Variants in PHACTR2 observed in about 807,000 individuals in gnomAD.
PHACTR2 encodes the protein chromosome 6 open reading frame 56.
PHACTR2 carries 30 observed loss-of-function variants against 76.0 expected under a neutral mutation model. The ratio of observed to expected loss-of-function variants is 0.39; its 90% CI spans 0.30 to 0.54. PHACTR2 has a LOEUF of 0.54. PHACTR2 is among the 20% of genes least tolerant of loss of function. The pLI is 0.61. For missense variants in PHACTR2, 696 were observed against 781.1 expected, an observed-to-expected ratio of 0.89 and a Z score of 1.30; for synonymous variants, 292 against 292.5, an observed-to-expected ratio of 1.00 and a Z score of 0.02.
Position 143,562,777 on chromosome 6 carries a change from A to G in PHACTR2, c.217+25570A>G, listed in dbSNP as rs1775300136. ...AAGGTAATGAGTAGTTGAATTAACAAAATATGGTATTTATGTACATGAGTA... is the reference window on the plus strand; with the variant it reads ...AAGGTAATGAGTAGTTGAATTAACAGAATATGGTATTTATGTACATGAGTA... On this transcript the variant is annotated intron_variant, in intron 1 of 11. Coordinates refer to the PHACTR2 transcript ENST00000367584. The surrounding 1 kb of genome is among the most constrained non-coding windows in gnomAD (Gnocchi z 5.1). Among the ~76,000 whole-genome samples the G allele has an allele frequency of 6.6e-6, 1 of 152,254 alleles. No homozygotes were observed. The highest frequency in any genetic ancestry group is 1.5e-5 in the Non-Finnish European group (1 of 68,036).
intron 1 of PHACTR2, among the ~76,000 whole-genome samples, chr6:143,563,399 C>CTAAAAATAT (rs71270336): frequency 6.6e-6 from 1 of 151,454 alleles, no homozygotes. Flanking sequence ...CGCATCTCTA[C>CTAAAAATAT]GAAAAATTAA....
intron 2 of PHACTR2, among the ~76,000 whole-genome samples, chr6:143,716,278 G>A (rs1158896914): frequency 1.3e-5 from 2 of 152,154 alleles, no homozygotes; most frequent in African/African-American, 4.8e-5. Context: ...TCAGTAACCA[G>A]GGTATTCTTT....
At chr6:143,588,526 G>A (rs1484845011) in intron 1 of PHACTR2, among the ~76,000 whole-genome samples, 1 of 152,136 alleles carries the variant, frequency 6.6e-6, no homozygotes, top group Non-Finnish European at 1.5e-5. Flanking sequence ...AGCAGAGTTT[G>A]AAAACCAGAT....
rs959826975 is a variant in PHACTR2 at position 143,795,257 on chromosome 6, T to C, written c.1845+6347T>C. Among the ~76,000 whole-genome samples the C allele has an allele frequency of 8.6e-5, 13 of 151,834 alleles. No homozygotes were observed. The highest frequency in any genetic ancestry group is 3.1e-4 in the African/African-American group (13 of 41,324). On this transcript the variant is annotated intron_variant, in intron 11 of 12. Coordinates refer to ENST00000440869, the MANE Select transcript of PHACTR2 (RefSeq NM_001100164.2). The surrounding 1 kb of genome is among the most constrained non-coding windows in gnomAD (Gnocchi z 4.8). The stretch of plus-strand genomic sequence containing the variant: ...AGCAAGACCCTCTCTCTACAAAAAC[T>C]AAAAAAATTAGCCAGGTGTGGTGGC...
rs1775449551 is a variant in PHACTR2 at position 143,782,259 on chromosome 6, A to C, written c.1646-960A>C. Among the ~76,000 whole-genome samples, 1 of 152,152 alleles carries C rather than the reference A, an allele frequency of 6.6e-6. No individual in the cohort carries two copies. Among genetic ancestry groups the C allele is most frequent in the Non-Finnish European group, 1.5e-5 (1 of 68,028 alleles). ...AAATAAAAATAAAAATAAATAAACA[A>C]ATAGAAGAAGTTTTCCTTTTTCAAC... On this transcript the variant is annotated intron_variant, in intron 9 of 12. Transcript: ENST00000440869. This position sits in a 1 kb window ranked among gnomAD's most constrained non-coding sequence, Gnocchi z 4.6.
rs1458843698 is a variant in PHACTR2 at position 143,570,378 on chromosome 6, C to T, written c.217+33171C>T. Among the ~76,000 whole-genome samples the T allele has an allele frequency of 1.3e-5, 2 of 152,174 alleles. No homozygotes were observed. Among genetic ancestry groups the T allele is most frequent in the African/African-American group, 2.4e-5 (1 of 41,430 alleles). ...GTCATCTTATGCAGGGTTTGTACTT[C>T]GGCTTCTCTCACTGTGCTGGAGATT... On this transcript the variant is annotated intron_variant, in intron 1 of 11. Transcript: ENST00000367584. The surrounding 1 kb of genome is among the most constrained non-coding windows in gnomAD (Gnocchi z 4.6).
At chr6:143,634,070 G>A (rs1334434252) in intron 1 of PHACTR2, among the ~76,000 whole-genome samples, 1 of 152,130 alleles carries the variant, frequency 6.6e-6, no homozygotes. Context: ...TCTTCCAACA[G>A]GGAAGTAAAA....
intron 2 of PHACTR2, among the ~76,000 whole-genome samples, chr6:143,734,309 C>G (rs1036593335): frequency 2.0e-5 from 3 of 149,910 alleles, no homozygotes; most frequent in Non-Finnish European, 4.4e-5. Flanking sequence ...TCGATAAAAC[C>G]ATGAAATCTT....
At position 143,777,441 on chromosome 6, in the gene PHACTR2, C is replaced by T. The variant is rs369786870; in HGVS notation, c.1645+58C>T. On this transcript the variant is annotated intron_variant, in intron 9 of 12. Coordinates refer to ENST00000440869, the MANE Select transcript of PHACTR2 (RefSeq NM_001100164.2). The surrounding 1 kb of genome is among the most constrained non-coding windows in gnomAD (Gnocchi z 4.6). Reference sequence around the variant, plus strand: ...TGTAATCGCTAACAAGCTGCCTCTACAGATGATCGATTTATCAGTAAGAAA... The same window carrying T: ...TGTAATCGCTAACAAGCTGCCTCTATAGATGATCGATTTATCAGTAAGAAA... 3.5e-6 allele frequency: 3 copies of T among 850,640 alleles called. No individual in the cohort carries two copies. Among genetic ancestry groups the T allele is most frequent in the African/African-American group, 3.5e-5 (2 of 57,416 alleles). The allele number at this position is 850,640 out of a possible 1,614,324, so 52.7% of individuals were successfully genotyped here.
Position 143,761,613 on chromosome 6 carries a change from G to A in PHACTR2, c.694+973G>A, listed in dbSNP as rs537129237. Among the ~76,000 whole-genome samples the A allele has an allele frequency of 4.9e-4, 75 of 152,084 alleles. No individual in the cohort carries two copies. Among genetic ancestry groups the A allele is most frequent in the Non-Finnish European group, 9.1e-4 (62 of 68,026 alleles). Reference sequence around the variant, plus strand: ...TGCTAAAAATACAAGAATTAGCCAGGCGTCGTGGCGTGCACCTCTAATCCC... The same window carrying A: ...TGCTAAAAATACAAGAATTAGCCAGACGTCGTGGCGTGCACCTCTAATCCC... On this transcript the variant is annotated intron_variant, in intron 5 of 12. Transcript: ENST00000440869. The surrounding 1 kb of genome is among the most constrained non-coding windows in gnomAD (Gnocchi z 5.2).
At position 143,556,724 on chromosome 6, in the gene PHACTR2, T is replaced by A. The variant is rs2128428338; in HGVS notation, c.217+19517T>A. ...TGCTAACTAGAGGAGAAGGAAGACG[T>A]ACATCACCACAGGACCACAGCGACG... On this transcript the variant is annotated intron_variant, in intron 1 of 11. Coordinates refer to the PHACTR2 transcript ENST00000367584. The surrounding 1 kb of genome is among the most constrained non-coding windows in gnomAD (Gnocchi z 4.3). 6.6e-6 allele frequency among the ~76,000 whole-genome samples: 1 copy of A among 152,334 alleles called. No homozygotes were observed. Among genetic ancestry groups the A allele is most frequent in the Non-Finnish European group, 1.5e-5 (1 of 68,036 alleles).
rs1174920390 is a variant in PHACTR2 at position 143,602,446 on chromosome 6, C to A, written c.217+65239C>A. 1.3e-5 allele frequency among the ~76,000 whole-genome samples: 2 copies of A among 152,168 alleles called. No individual in the cohort carries two copies. On this transcript the variant is annotated intron_variant, in intron 1 of 11. Coordinates refer to the PHACTR2 transcript ENST00000367584. This position sits in a 1 kb window ranked among gnomAD's most constrained non-coding sequence, Gnocchi z 6.1. ...GCCAGGACTCTCCATTCAAGCAGAG[C>A]CTGGCTCTGATTGCTCCTTTCTCAT...
In PHACTR2 at chr6:143,774,219, A is replaced by G; in HGVS notation, c.1589+4A>G. 1.2e-6 allele frequency: 2 copies of G among 1,612,340 alleles called. No homozygotes were observed. The highest frequency in any genetic ancestry group is 1.7e-6 in the Non-Finnish European group (2 of 1,178,426). On this transcript the variant is annotated splice_donor_region_variant and intron_variant, in intron 8 of 12. Transcript: ENST00000440869. This position sits in a 1 kb window ranked among gnomAD's most constrained non-coding sequence, Gnocchi z 5.4. ...AAATTGGAACCAAGTTAGTCAGGTAATTGCTAACATTTTAGGACAGTACTG... is the reference window on the plus strand; with the variant it reads ...AAATTGGAACCAAGTTAGTCAGGTAGTTGCTAACATTTTAGGACAGTACTG...
chr6:143,593,979 T>A (rs1469482187), intron 1 of PHACTR2, among the ~76,000 whole-genome samples: 3 of 152,226 alleles, frequency 2.0e-5, no homozygotes, highest in Non-Finnish European at 4.4e-5. Context: ...TAAAAGAATA[T>A]TCCAGTTGTC....
chr6:143,576,609 G>A (rs900272145), intron 1 of PHACTR2, among the ~76,000 whole-genome samples: 1 of 152,118 alleles, frequency 6.6e-6, no homozygotes, highest in Non-Finnish European at 1.5e-5. Flanking sequence ...GGGAGCGGTG[G>A]CTCAGGCCTG....
intron 2 of PHACTR2, among the ~76,000 whole-genome samples, chr6:143,744,410 A>T (rs548170661): frequency 6.6e-6 from 1 of 152,356 alleles, no homozygotes; most frequent in South Asian, 2.1e-4. Flanking sequence ...CAGTAAGCAA[A>T]ACAGAATTTT....
rs1775317013 is a variant in PHACTR2, at chr6:143,563,694, CATTAAAATAT to C, written c.217+26491_217+26500del. Among the ~76,000 whole-genome samples the C allele has an allele frequency of 4.6e-5, 7 of 152,034 alleles. No homozygotes were observed. The South Asian group carries it at 1.5e-3, about 32-fold the overall frequency. ...ATCAGCAGCAAGTGCTTTTTCCTAA[CATTAAAATAT>C]ATTTATTCTGGCTGCGCACGGTGGC... is the stretch of plus-strand genomic sequence containing the variant. On this transcript the variant is annotated intron_variant, in intron 1 of 11. Transcript: ENST00000367584.
chr6:143,620,071 A>C (rs946212630), intron 1 of PHACTR2, among the ~76,000 whole-genome samples: 4 of 152,188 alleles, frequency 2.6e-5, no homozygotes, highest in African/African-American at 9.7e-5. Context: ...TAACTGTATG[A>C]CTGTGACGAT....
intron 9 of PHACTR2, among the ~76,000 whole-genome samples, chr6:143,781,606 C>CA (rs1400391242): frequency 1.3e-5 from 2 of 152,172 alleles, no homozygotes; most frequent in African/African-American, 2.4e-5. Context: ...ACTATCGTGT[C>CA]ACCTTGTAAA....
Sources: allele counts gnomAD v4.1 joint callset (sites outside exome capture counted in the v4.1 genomes callset), GRCh38; gene constraint gnomAD v4.1.1; non-coding constraint Gnocchi (gnomAD v3.1); transcripts MANE v1.5; gene names NCBI Gene and HGNC (gene_info 2026-07-23, HGNC 2026-07-21).